Variants in SLC12A7 observed in about 807,000 individuals in gnomAD.
SLC12A7 encodes K-Cl cotransporter 4.
A neutral mutation model predicts 120.6 loss-of-function variants in SLC12A7; 100 were observed. The observed-to-expected ratio is 0.83, with a 90% CI of 0.71 to 0.98. SLC12A7 has a LOEUF of 0.98. Among genes scored for constraint, SLC12A7 ranks in the 50% least tolerant of loss-of-function variants. The pLI is 0.00. For missense variants in SLC12A7, 1,373 were observed against 1,548.1 expected (o/e 0.89, Z 1.90); for synonymous variants, 760 against 678.0 (o/e 1.12, Z -1.88).
At chr5:1,115,426 C>T (rs1743276385), upstream of SLC12A7, among the ~76,000 whole-genome samples, 1 of 152,228 alleles carries the variant, frequency 6.6e-6, no homozygotes, top group South Asian at 2.1e-4. Flanking sequence ...CGCAGGCTGC[C>T]TCCAGGTATC....
intron 22 of SLC12A7, chr5:1,057,235 C>A (rs1316473846): frequency 4.0e-6 from 2 of 499,782 alleles, no homozygotes; most frequent in Non-Finnish European, 7.0e-6. Flanking sequence ...GGACTCCCGG[C>A]CTTGGCACTA....
At chr5:1,139,393 T>A in the SLC12A7 span, among the ~76,000 whole-genome samples, 4 of 152,230 alleles carry the variant, frequency 2.6e-5, no homozygotes, top group African/African-American at 9.6e-5. Flanking sequence ...AGCTACATCC[T>A]CACGAGGGCC....
Position 1,093,580 on chromosome 5 carries a change from C to T in SLC12A7, c.295G>A (p.Val99Met), listed in dbSNP as rs771535334. 10 of 1,611,310 alleles carry T rather than the reference C, an allele frequency of 6.2e-6. No individual in the cohort carries two copies. Among genetic ancestry groups the T allele is most frequent in the East Asian group, 2.2e-5 (1 of 44,832 alleles). Residue 99 changes from valine to methionine, a missense_variant, in exon 3 of 24, where the codon GTG (valine) becomes ATG (methionine). Coordinates refer to ENST00000264930, the MANE Select transcript of SLC12A7 (RefSeq NM_006598.3). ...TCCTCGTCCTCCTCGTGCTCCACCA[C>T]GCCCTGGCTCAGGTTGGTGTAGTTG... ...LANYTNLSQG[V>M]VEHEEDEESR...
At position 1,065,397 on chromosome 5, in the gene SLC12A7, A is replaced by C. The variant is rs372385919; in HGVS notation, c.2323T>G (p.Ser775Ala). ...AGGCCGGCCGACTGGATCAGGTGGG[A>C]CATGCCATCCCGCAGGCTGGACGAG... is the stretch of plus-strand genomic sequence containing the variant. ...VVSSSLRDGM[S>A]HLIQSAGLGG... is the part of the protein sequence containing the mutation. The change falls in exon 18 of 24, where the codon TCC becomes GCC. Residue 775 changes from serine to alanine, a missense_variant. By Grantham distance (99) the Ser-to-Ala change is moderately conservative (BLOSUM62 1). Transcript: ENST00000264930. The C allele has an allele frequency of 1.9e-6, 3 of 1,612,514 alleles. No homozygotes were observed. Among genetic ancestry groups the C allele is most frequent in the Non-Finnish European group, 2.5e-6 (3 of 1,179,650 alleles).
chr5:1,112,226 G>T (rs375971342), upstream of SLC12A7, among the ~76,000 whole-genome samples: 2 of 151,910 alleles, frequency 1.3e-5, no homozygotes, highest in South Asian at 4.1e-4. Context: ...GGGACGCGGG[G>T]CTTTCGCTGC....
the SLC12A7 span, among the ~76,000 whole-genome samples, chr5:1,143,960 G>A: frequency 1.3e-5 from 2 of 152,084 alleles, no homozygotes; most frequent in Non-Finnish European, 1.5e-5. Flanking sequence ...CTGGCGCTGG[G>A]AAACCTGGCC....
chr5:1,126,173 C>A, the SLC12A7 span, among the ~76,000 whole-genome samples: 1 of 152,110 alleles, frequency 6.6e-6, no homozygotes, highest in African/African-American at 2.4e-5. Context: ...CTCCACCTCC[C>A]AGGTTCAAGT....
rs373844961 is a variant in SLC12A7, at chr5:1,061,748, G to C, written c.2740-1297C>G. On this transcript the variant is annotated intron_variant, in intron 20 of 23. Coordinates refer to ENST00000264930, the MANE Select transcript of SLC12A7 (RefSeq NM_006598.3). The stretch of plus-strand genomic sequence containing the variant: ...GTGGATCACCTGAGGTCAGAAGTTC[G>C]AGACCAGCCTGGCCATCATGGTGAA... Among the ~76,000 whole-genome samples, 11 of 152,022 alleles carry C rather than the reference G, an allele frequency of 7.2e-5. No homozygotes were observed. In the East Asian group the frequency reaches 7.7e-4, roughly 11 times the overall value.
chr5:1,097,096 T>C (rs1741341214), intron 1 of SLC12A7, among the ~76,000 whole-genome samples: 1 of 152,156 alleles, frequency 6.6e-6, no homozygotes, highest in South Asian at 2.1e-4. Context: ...GGAGTGCAGC[T>C]TGGGGCTCCG....
rs578239259 is a variant in SLC12A7 at position 1,085,617 on chromosome 5, C to T, written c.676-144G>A. 436 of 1,242,862 alleles carry T rather than the reference C, an allele frequency of 3.5e-4. No individual in the cohort carries two copies. The African/African-American group carries it at 4.5e-3, about 13-fold the overall frequency. The allele number at this position is 1,242,862 out of a possible 1,614,324, so 77.0% of individuals were successfully genotyped here. On this transcript the variant is annotated intron_variant, in intron 6 of 23. Coordinates refer to ENST00000264930, the MANE Select transcript of SLC12A7 (RefSeq NM_006598.3). ...GGACGCATCCGTGCTGGACGGAGCC[C>T]GCGGGGGTCAGCGCACAGGCAAGGG...
intron 22 of SLC12A7, 62 bp from the exon 23 acceptor site, chr5:1,053,544 C>A: frequency 6.3e-7 from 1 of 1,583,832 alleles, no homozygotes. Context: ...GGACACGAGG[C>A]TGAGCTGAGC....
chr5:1,086,461 A>C (rs1739867428), intron 6 of SLC12A7, among the ~76,000 whole-genome samples: 3 of 152,198 alleles, frequency 2.0e-5, no homozygotes. Context: ...GCCTGTTTTG[A>C]GAAGGTGATG....
At chr5:1,149,807 T>G in the SLC12A7 span, among the ~76,000 whole-genome samples, 1 of 152,150 alleles carries the variant, frequency 6.6e-6, no homozygotes, top group Non-Finnish European at 1.5e-5. Flanking sequence ...GGTGGGCGGA[T>G]CACCTGATGT....
At position 1,076,328 on chromosome 5, in the gene SLC12A7, C is replaced by A. The variant is rs1027564362; in HGVS notation, c.1749-92G>T. On this transcript the variant is annotated intron_variant, in intron 13 of 23. Transcript: ENST00000264930. The stretch of plus-strand genomic sequence containing the variant: ...TGGGAGACCACCCTTGTCACTGTCC[C>A]TCCCACCTGCGCCTTGTCTCCCCAT... 3.0e-6 allele frequency: 3 copies of A among 1,007,898 alleles called. No individual in the cohort carries two copies. In the South Asian group the frequency reaches 4.6e-5, roughly 15 times the overall value. The allele number at this position is 1,007,898 out of a possible 1,614,324, so 62.4% of individuals were successfully genotyped here. A position where few individuals can be genotyped will look rare whatever the true frequency, so the allele number is the denominator to read the frequency against.
rs1736946881 is a variant in SLC12A7 at position 1,065,459 on chromosome 5, C to T, written c.2261G>A (p.Ser754Asn). ...RAEENIRSLMSTEKTKGFCQL... is the reference protein window; with the variant it reads ...RAEENIRSLMNTEKTKGFCQL... ...GCAGAAGCCCTTGGTCTTCTCTGTG[C>T]TCATTAGGGACCGTATGTTCTGCGG... is the stretch of plus-strand genomic sequence containing the variant. Residue 754 changes from serine (S) to asparagine (N), a missense_variant, in exon 18 of 24, where the codon AGC (serine) becomes AAC (asparagine). Transcript: ENST00000264930. 1 of 1,602,346 alleles carries T rather than the reference C, an allele frequency of 6.2e-7. No individual in the cohort carries two copies. Among genetic ancestry groups the T allele is most frequent in the Non-Finnish European group, 8.5e-7 (1 of 1,173,812 alleles).
At chr5:1,136,258 A>C in the SLC12A7 span, among the ~76,000 whole-genome samples, 3 of 150,496 alleles carry the variant, frequency 2.0e-5, no homozygotes, top group Non-Finnish European at 4.4e-5. Context: ...GCTCCGAGAA[A>C]TCACGACTCC....
chr5:1,054,928 A>G (rs1434324532), intron 22 of SLC12A7, among the ~76,000 whole-genome samples: 1 of 152,172 alleles, frequency 6.6e-6, no homozygotes, highest in Non-Finnish European at 1.5e-5. Context: ...GACCACAATT[A>G]CCAGTGTGTT....
intron 6 of SLC12A7, 129 bp from the exon 7 acceptor site, chr5:1,085,602 G>T (rs556898101): frequency 1.5e-6 from 2 of 1,332,836 alleles, no homozygotes; most frequent in South Asian, 1.5e-5. Context: ...GGACGCATCC[G>T]TGCTGGACGG....
chr5:1,129,383 G>A, the SLC12A7 span, among the ~76,000 whole-genome samples: 2 of 152,164 alleles, frequency 1.3e-5, no homozygotes, highest in African/African-American at 4.8e-5. Context: ...GCAAGGAGGT[G>A]GCCATGGGCC....
Sources: gnomAD v4.1 joint callset for allele counts (sites outside exome capture counted in the v4.1 genomes callset) on GRCh38, gnomAD v4.1.1 for gene constraint, MANE v1.5 for transcripts, NCBI Gene and HGNC (gene_info 2026-07-23, HGNC 2026-07-21) for gene names.